SLITRK6: variants seen among roughly 807,000 people sequenced by gnomAD.
The protein encoded by SLITRK6 is SLIT and NTRK like family member 6, also known as SLIT and NTRK-like protein 6.
A neutral mutation model predicts 55.6 loss-of-function variants in SLITRK6; 35 were observed. That is an observed-to-expected ratio of 0.63 (90% confidence interval 0.48 to 0.83). SLITRK6 has a LOEUF of 0.83. SLITRK6 is among the 40% of genes least tolerant of loss of function. The pLI is 0.00. For synonymous variants in SLITRK6, 392 were observed against 359.6 expected, an observed-to-expected ratio of 1.09 and a Z score of -1.02; for missense variants, 977 against 986.4, an observed-to-expected ratio of 0.99 and a Z score of 0.13.
rs774879339 is a variant in SLITRK6 at position 85,794,743 on chromosome 13, G to C, written c.1766C>G (p.Thr589Arg). 1 of 1,613,276 alleles carries C rather than the reference G, an allele frequency of 6.2e-7. No individual in the cohort carries two copies. Among genetic ancestry groups the C allele is most frequent in the Admixed American group, 1.7e-5 (1 of 59,850 alleles). The stretch of plus-strand genomic sequence containing the variant: ...AATAGTATCAGCCGTATTTGTTGTT[G>C]TTGCAGGAGTGGTGACCATAAGGTA... ...TSYLMVTTPA[T>R]TTNTADTILR... Residue 589 changes from threonine to arginine, a missense_variant, in exon 2 of 2, where the codon ACA (threonine) becomes AGA (arginine). Transcript: ENST00000647374.
rs549270329 is a variant in SLITRK6 at position 85,792,954 on chromosome 13, C to T, written c.*1029G>A. The stretch of plus-strand genomic sequence containing the variant: ...TAAAATAAAGCTACATTGTCCCTCT[C>T]TTGAGGCAACTTAAACCACTTACCT... On this transcript the variant is annotated 3_prime_UTR_variant, in exon 2 of 2. Transcript: ENST00000647374. The T allele has an allele frequency of 2.0e-5, 3 of 152,248 alleles. No individual in the cohort carries two copies. The highest frequency in any genetic ancestry group is 7.2e-5 in the African/African-American group (3 of 41,480). The allele number at this position is 152,248 out of a possible 1,614,324, so 9.4% of individuals were successfully genotyped here. A position where few individuals can be genotyped will look rare whatever the true frequency, so the allele number is the denominator to read the frequency against.
Position 85,795,142 on chromosome 13 carries a change from T to A in SLITRK6, c.1367A>T (p.Asn456Ile), listed in dbSNP as rs1365428417. Reference sequence around the variant, plus strand: ...CAGGACTTTAAGTTTAGGCATTGGATTAAAGGTTCCTGGCAGTATTTCCTT... The same window carrying A: ...CAGGACTTTAAGTTTAGGCATTGGAATAAAGGTTCCTGGCAGTATTTCCTT... ...AIKEILPGTF[N>I]PMPKLKVLYL... The change falls in exon 2 of 2, where the codon AAT (asparagine) becomes ATT (isoleucine). Residue 456 changes from asparagine to isoleucine, a missense_variant. Physicochemically the swap from Asn to Ile is moderately radical, Grantham distance 149. Coordinates refer to ENST00000647374, the MANE Select transcript of SLITRK6 (RefSeq NM_032229.3). 1.9e-6 allele frequency: 3 copies of A among 1,612,936 alleles called. No individual in the cohort carries two copies. In the East Asian group the frequency reaches 6.7e-5, roughly 36 times the overall value.
At chr13:85,797,516 T>C (rs1874763502) in intron 1 of SLITRK6, among the ~76,000 whole-genome samples, 2 of 151,928 alleles carry the variant, frequency 1.3e-5, no homozygotes, top group African/African-American at 4.8e-5. Flanking sequence ...AATGACTTCC[T>C]AATGAGGTCT....
intron 1 of SLITRK6, among the ~76,000 whole-genome samples, chr13:85,797,241 T>C (rs1874754761): frequency 6.6e-6 from 1 of 151,332 alleles, no homozygotes; most frequent in Admixed American, 6.6e-5. Flanking sequence ...TACAGTACTA[T>C]AAGAACTCTT....
rs890410849 is a variant in SLITRK6, at chr13:85,794,422, C to A, written c.2087G>T (p.Gly696Val). 3.1e-6 allele frequency: 5 copies of A among 1,613,232 alleles called. No individual in the cohort carries two copies. Among genetic ancestry groups the A allele is most frequent in the African/African-American group, 2.7e-5 (2 of 74,910 alleles). ...MVHVYRSPSF[G>V]PKHLEEEEER... Reference sequence around the variant, plus strand: ...TTCTTCCTCTTCCAGATGCTTTGGACCAAAGGATGGACTTCTATAGACATG... The same window carrying A: ...TTCTTCCTCTTCCAGATGCTTTGGAACAAAGGATGGACTTCTATAGACATG... The change falls in exon 2 of 2, where the codon GGT becomes GTT. Residue 696 changes from glycine (G) to valine (V), a missense_variant. Physicochemically the swap from Gly to Val is moderately radical, Grantham distance 109 (BLOSUM62 -3). Transcript: ENST00000647374.
At position 85,794,590 on chromosome 13, in the gene SLITRK6, T is replaced by C; in HGVS notation, c.1919A>G (p.Lys640Arg). The change falls in exon 2 of 2, where the codon AAA becomes AGA. Residue 640 changes from lysine (K) to arginine (R), a missense_variant. Transcript: ENST00000647374. ...CATTTGCTCATCTACTTGTTTCTTT[T>C]TGTATCTTCTCCTGCGGTGAAGAAC... The part of the protein sequence containing the change: ...VLVLHRRRRY[K>R]KKQVDEQMRD... 6.2e-7 allele frequency: 1 copy of C among 1,613,268 alleles called. No homozygotes were observed. Among genetic ancestry groups the C allele is most frequent in the Non-Finnish European group, 8.5e-7 (1 of 1,179,544 alleles).
rs772111878 is a variant in SLITRK6, at chr13:85,795,691, T to A, written c.818A>T (p.Tyr273Phe). Residue 273 changes from tyrosine to phenylalanine, a missense_variant, in exon 2 of 2, where the codon TAT becomes TTT. Coordinates refer to ENST00000647374, the MANE Select transcript of SLITRK6 (RefSeq NM_032229.3). ...KESICPTPPV[Y>F]EEHEDPSGSL... ...TCCTGAAGGATCCTCATGTTCTTCA[T>A]ACACTGGTGGAGTAGGGCAAATAGA... 3 of 1,613,124 alleles carry A rather than the reference T, an allele frequency of 1.9e-6. No homozygotes were observed. The highest frequency in any genetic ancestry group is 2.5e-6 in the Non-Finnish European group (3 of 1,179,458).
In SLITRK6 at chr13:85,796,442, G is replaced by A; in HGVS notation, c.67C>T (p.Pro23Ser). 1.2e-6 allele frequency: 2 copies of A among 1,604,972 alleles called. No individual in the cohort carries two copies. Among genetic ancestry groups the A allele is most frequent in the Non-Finnish European group, 8.5e-7 (1 of 1,176,822 alleles). ...CAAGAGCCTCTGGATGAGAGCACTG[G>A]AGTTTGGGAGTGTAAAGATATACAG... ...LACISLHSQT[P>S]VLSSRGSCDS... Residue 23 changes from proline to serine, a missense_variant, in exon 2 of 2, where the codon CCA (proline) becomes TCA (serine). Physicochemically the swap from Pro to Ser is moderately conservative, Grantham distance 74. Coordinates refer to ENST00000647374, the MANE Select transcript of SLITRK6 (RefSeq NM_032229.3).
In SLITRK6 at chr13:85,793,985, A is replaced by G. The variant is rs767031275; in HGVS notation, c.2524T>C (p.Ter842GlnextTer12). The part of the protein sequence containing the change: ...DYLEVLEQQT[*>Q] ...GCGAAAGCCCTCAAACTCTCCATCT[A>G]TGTTTGCTGCTCCAGGACTTCTAAA... The change falls in exon 2 of 2, where the codon TAG (stop) becomes CAG (glutamine). Residue 842 changes from the stop codon to glutamine, a stop_lost. Coordinates refer to ENST00000647374, the MANE Select transcript of SLITRK6 (RefSeq NM_032229.3). 4 of 1,590,240 alleles carry G rather than the reference A, an allele frequency of 2.5e-6. No homozygotes were observed. The highest frequency in any genetic ancestry group is 1.8e-5 in the Admixed American group (1 of 56,494).
At chr13:85,796,892 A>G (rs918824305) in intron 1 of SLITRK6, among the ~76,000 whole-genome samples, 2 of 151,800 alleles carry the variant, frequency 1.3e-5, no homozygotes, top group Non-Finnish European at 2.9e-5. Context: ...GCAAAGTTAT[A>G]TATTTGAAAA....
At chr13:85,797,684 G>T (rs555757161) in intron 1 of SLITRK6, among the ~76,000 whole-genome samples, 1 of 151,678 alleles carries the variant, frequency 6.6e-6, no homozygotes, top group African/African-American at 2.4e-5. Context: ...AAAAAGGATG[G>T]TTCAGAATAA....
chr13:85,795,563 A>G lies in SLITRK6; in HGVS notation c.946T>C (p.Tyr316His), dbSNP rs374819902. 1.8e-5 allele frequency: 29 copies of G among 1,612,738 alleles called. No homozygotes were observed. The African/African-American group carries it at 3.2e-4, about 18-fold the overall frequency. ...AGTTGAGTGGATGGCTTTGTAATAT[A>G]AGGTATCAAACCTGGTGCTTTGGTG... Reference protein sequence around the residue: ...LPTKAPGLIPYITKPSTQLPG... With the variant: ...LPTKAPGLIPHITKPSTQLPG... The change falls in exon 2 of 2, where the codon TAT (tyrosine) becomes CAT (histidine). Residue 316 changes from tyrosine (Y) to histidine (H), a missense_variant. Coordinates refer to ENST00000647374, the MANE Select transcript of SLITRK6 (RefSeq NM_032229.3).
chr13:85,794,075 A>G lies in SLITRK6; in HGVS notation c.2434T>C (p.Leu812=). 6.2e-7 allele frequency: 1 copy of G among 1,612,860 alleles called. No individual in the cohort carries two copies. Among genetic ancestry groups the G allele is most frequent in the South Asian group, 1.1e-5 (1 of 91,040 alleles). ...TACTCATTTTTTGTCTGTTCCACTAATACCTTCCTTGGACGTGAGTACATT... is the reference window on the plus strand; with the variant it reads ...TACTCATTTTTTGTCTGTTCCACTAGTACCTTCCTTGGACGTGAGTACATT... ...TLMYSRPRKV[L]VEQTKNEYFE... Residue 812 remains leucine, a synonymous_variant, in exon 2 of 2, where the codon TTA becomes CTA. Coordinates refer to ENST00000647374, the MANE Select transcript of SLITRK6 (RefSeq NM_032229.3).
In SLITRK6 at chr13:85,799,158, G is replaced by A. The variant is rs1874807837; in HGVS notation, c.-269C>T. On this transcript the variant is annotated 5_prime_UTR_variant, in exon 1 of 2. Coordinates refer to ENST00000647374, the MANE Select transcript of SLITRK6 (RefSeq NM_032229.3). ...CATACTAGAGCATCCTGAAGCAATT[G>A]TCCCTTTTTCCCTCAATTAAAATTC... The A allele has an allele frequency of 6.6e-6, 1 of 151,694 alleles. No homozygotes were observed. The highest frequency in any genetic ancestry group is 2.1e-4 in the South Asian group (1 of 4,816). 9.4% of individuals were successfully genotyped at this position (151,694 alleles called of 1,614,324 possible). A position where few individuals can be genotyped will look rare whatever the true frequency, so the allele number is the denominator to read the frequency against.
chr13:85,796,110 AT>A lies in SLITRK6; in HGVS notation c.398del (p.His133LeufsTer18). The A allele has an allele frequency of 6.2e-7, 1 of 1,612,550 alleles. No individual in the cohort carries two copies. Among genetic ancestry groups the A allele is most frequent in the Non-Finnish European group, 8.5e-7 (1 of 1,179,298 alleles). ...GCAGGAATTCCAGGTTTTCCAGTCCATGGAAAGTATCCTCTTTAAGAATTTC... is the reference window on the plus strand; with the variant it reads ...GCAGGAATTCCAGGTTTTCCAGTCCAGGAAAGTATCCTCTTTAAGAATTTC... ...SLEILKEDTF[H>X]GLENLEFLQA... On this transcript the variant is annotated frameshift_variant, in exon 2 of 2. Transcript: ENST00000647374. LOFTEE classifies it high-confidence loss of function.
Position 85,796,262 on chromosome 13 carries a change from C to A in SLITRK6, c.247G>T (p.Asp83Tyr). 1 of 1,612,364 alleles carries A rather than the reference C, an allele frequency of 6.2e-7. No homozygotes were observed. Among genetic ancestry groups the A allele is most frequent in the Non-Finnish European group, 8.5e-7 (1 of 1,179,134 alleles). Residue 83 changes from aspartate (D) to tyrosine (Y), a missense_variant, in exon 2 of 2, where the codon GAC becomes TAC. Transcript: ENST00000647374. ...NNGLTMLHTN[D>Y]FSGLTNAISI... The stretch of plus-strand genomic sequence containing the variant: ...ATAGCATTGGTAAGCCCAGAAAAGT[C>A]ATTTGTGTGAAGCATCGTCAAGCCG...
chr13:85,792,809 G>C lies in SLITRK6; in HGVS notation c.*1174C>G. 1 of 152,120 alleles carries C rather than the reference G, an allele frequency of 6.6e-6. No homozygotes were observed. 9.4% of individuals were successfully genotyped at this position (152,120 alleles called of 1,614,324 possible). On this transcript the variant is annotated 3_prime_UTR_variant, in exon 2 of 2. Coordinates refer to ENST00000647374, the MANE Select transcript of SLITRK6 (RefSeq NM_032229.3). The stretch of plus-strand genomic sequence containing the variant: ...AAAGAGTTTTCATTTTAGTTTTATT[G>C]TAGTGAGTAGTATTTTTAATTTTCT...
rs764668450 is a variant in SLITRK6, at chr13:85,795,792, CTG to C, written c.715_716del (p.Gln239ValfsTer5). ...TGCAGACAACATCACCAATTATAGA[CTG>C]TGGAGGCATGTTCTCCAACCAAGTT... ...LKTWLENMPPQSIIGDVVCNS... is the reference protein window; with the variant it reads ...LKTWLENMPPXSIIGDVVCNS... On this transcript the variant is annotated frameshift_variant, in exon 2 of 2. Coordinates refer to ENST00000647374, the MANE Select transcript of SLITRK6 (RefSeq NM_032229.3). LOFTEE classifies it high-confidence loss of function. 2 of 1,612,894 alleles carry C rather than the reference CTG, an allele frequency of 1.2e-6. No individual in the cohort carries two copies. The highest frequency in any genetic ancestry group is 2.2e-5 in the East Asian group (1 of 44,802).
intron 1 of SLITRK6, among the ~76,000 whole-genome samples, chr13:85,796,975 C>T (rs568059019): frequency 7.9e-5 from 12 of 151,424 alleles, no homozygotes; most frequent in African/African-American, 2.7e-4. Context: ...AGTTATTAGC[C>T]GTAAGCATAG....
Sources: allele counts gnomAD v4.1 joint callset (sites outside exome capture counted in the v4.1 genomes callset), GRCh38; gene constraint gnomAD v4.1.1; transcripts MANE v1.5; gene names NCBI Gene and HGNC (gene_info 2026-07-23, HGNC 2026-07-21).